RBFOX1: variants seen among roughly 807,000 people sequenced by gnomAD.
RBFOX1 encodes RNA binding protein fox-1 homolog 1.
Under a neutral mutation model 57.7 loss-of-function variants are expected in RBFOX1, and 8 were observed. The ratio of observed to expected loss-of-function variants is 0.14; its 90% CI spans 0.08 to 0.25. The LOEUF (loss-of-function observed/expected upper bound fraction) is 0.25. Among genes scored for constraint, RBFOX1 ranks in the 10% least tolerant of loss-of-function variants. RBFOX1 has a pLI of 1.00. For synonymous variants in RBFOX1, 326 were observed against 222.4 expected (o/e 1.47, Z -4.15); for missense variants, 611 against 548.5 (o/e 1.11, Z -1.14).
intron 4 of RBFOX1, among the ~76,000 whole-genome samples, chr16:7,509,966 G>GT (rs5815406): frequency 0.61 from 86,139 of 141,578 alleles, 27,612 homozygotes; most frequent in Non-Finnish European, 0.75. Context: ...CGAGCAGTGG[G>GT]TTTTTTTTTT....
intron 2 of RBFOX1, among the ~76,000 whole-genome samples, chr16:5,545,260 G>A (rs2045144469): frequency 6.6e-6 from 1 of 151,594 alleles, no homozygotes; most frequent in Non-Finnish European, 1.5e-5. Flanking sequence ...TTACAGCTGT[G>A]AGCACGCCCT....
intron 2 of RBFOX1, among the ~76,000 whole-genome samples, chr16:6,376,288 T>C (rs1326470577): frequency 7.6e-6 from 1 of 131,602 alleles, no homozygotes; most frequent in Non-Finnish European, 1.7e-5. Context: ...TTGGGTTTTG[T>C]TTGTTTGTTG....
chr16:6,622,455 C>T (rs1285453245), intron 2 of RBFOX1, among the ~76,000 whole-genome samples: 1 of 152,096 alleles, frequency 6.6e-6, no homozygotes, highest in African/African-American at 2.4e-5. Context: ...AGTCTAGGAG[C>T]AATAGGCTAG....
chr16:6,390,423 C>T (rs2092540905), intron 2 of RBFOX1, among the ~76,000 whole-genome samples: 2 of 151,968 alleles, frequency 1.3e-5, no homozygotes, highest in African/African-American at 4.8e-5. Flanking sequence ...ATGCAGGTAT[C>T]AATTTTTTAA....
intron 2 of RBFOX1, among the ~76,000 whole-genome samples, chr16:6,649,329 T>C (rs891491233): frequency 2.0e-5 from 3 of 152,218 alleles, no homozygotes; most frequent in African/African-American, 7.2e-5. Flanking sequence ...ACATTTGCTT[T>C]ATGTGGTTCT....
At chr16:7,224,654 T>TA (rs2092976822) in intron 4 of RBFOX1, among the ~76,000 whole-genome samples, 1 of 152,130 alleles carries the variant, frequency 6.6e-6, no homozygotes, top group African/African-American at 2.4e-5. Context: ...TCTTTTTGGT[T>TA]AAAATAAAGT....
chr16:7,707,833 C>G (rs1016820071), intron 14 of RBFOX1, among the ~76,000 whole-genome samples: 1 of 152,144 alleles, frequency 6.6e-6, no homozygotes, highest in African/African-American at 2.4e-5. Flanking sequence ...TCCCCTTGCT[C>G]TGACCTACTT....
Position 7,052,044 on chromosome 16 carries a change from C to T in RBFOX1, c.-15-13C>T, listed in dbSNP as rs770408474. On this transcript the variant is annotated splice_polypyrimidine_tract_variant and intron_variant, in intron 3 of 15. Coordinates refer to ENST00000550418, the MANE Select transcript of RBFOX1 (RefSeq NM_018723.4). ...CCTTCTGACTTTTCCCCTTCATTTT[C>T]TTTTCTTTCTAGGTTTCAAGACAAC... is the stretch of plus-strand genomic sequence containing the variant. The T allele has an allele frequency of 1.9e-6, 3 of 1,610,890 alleles. No homozygotes were observed. Among genetic ancestry groups the T allele is most frequent in the Non-Finnish European group, 2.5e-6 (3 of 1,178,708 alleles).
At chr16:5,756,311 A>T (rs2053395537) in intron 3 of RBFOX1, among the ~76,000 whole-genome samples, 1 of 149,268 alleles carries the variant, frequency 6.7e-6, no homozygotes, top group Admixed American at 6.7e-5. Context: ...GTGTGGTGTG[A>T]TAATTAATAG....
At position 6,376,626 on chromosome 16, in the gene RBFOX1, G is replaced by A. The variant is rs147195939; in HGVS notation, c.-64+59569G>A. Among the ~76,000 whole-genome samples the A allele has an allele frequency of 5.3e-5, 8 of 152,152 alleles. No homozygotes were observed. In the East Asian group the frequency reaches 5.8e-4, roughly 11 times the overall value. On this transcript the variant is annotated intron_variant, in intron 2 of 15. Coordinates refer to ENST00000550418, the MANE Select transcript of RBFOX1 (RefSeq NM_018723.4). ...TATCTCTGTGTCCAGATTTTCTTCC[G>A]TTTGTGAAACCAGCAGTCCTTGGTT...
At chr16:6,513,050 A>T (rs1170731914) in intron 2 of RBFOX1, among the ~76,000 whole-genome samples, 1 of 152,184 alleles carries the variant, frequency 6.6e-6, no homozygotes, top group Non-Finnish European at 1.5e-5. Flanking sequence ...ATAGCACATC[A>T]ATCAATATGG....
At chr16:7,046,975 C>A (rs904530120) in intron 3 of RBFOX1, among the ~76,000 whole-genome samples, 1 of 151,292 alleles carries the variant, frequency 6.6e-6, no homozygotes, top group African/African-American at 2.4e-5. Context: ...CCCTCCCCCC[C>A]AGTTTTTTGC....
intron 3 of RBFOX1, among the ~76,000 whole-genome samples, chr16:5,756,248 A>G (rs981158990): frequency 7.3e-6 from 1 of 137,494 alleles, no homozygotes; most frequent in East Asian, 2.0e-4. Context: ...AAAAAAAAAA[A>G]CCCTGCACCA....
chr16:7,099,974 C>T (rs967869014), intron 4 of RBFOX1, among the ~76,000 whole-genome samples: 1 of 151,914 alleles, frequency 6.6e-6, no homozygotes, highest in East Asian at 1.9e-4. Context: ...ATGTTCACCC[C>T]TCAGTTCTCA....
intron 11 of RBFOX1, 111 bp from the exon 12 acceptor site, chr16:7,653,704 G>T (rs746106749): frequency 2.2e-5 from 33 of 1,482,050 alleles, no homozygotes; most frequent in Admixed American, 8.1e-5. Flanking sequence ...GCGGGCGGGG[G>T]TCCTGCTGGG....
At chr16:6,893,777 A>G (rs532602510) in intron 3 of RBFOX1, among the ~76,000 whole-genome samples, 1 of 152,204 alleles carries the variant, frequency 6.6e-6, no homozygotes, top group African/African-American at 2.4e-5. Context: ...TCATCTGGTG[A>G]GAAGTATTCT....
chr16:7,626,451 G>C (rs1049563698), intron 10 of RBFOX1, among the ~76,000 whole-genome samples: 1 of 152,176 alleles, frequency 6.6e-6, no homozygotes, highest in South Asian at 2.1e-4. Context: ...GCCAGGTTGT[G>C]GGGATGCCGA....
At chr16:5,697,565 G>T (rs1344069470) in intron 3 of RBFOX1, among the ~76,000 whole-genome samples, 2 of 128,568 alleles carry the variant, frequency 1.6e-5, no homozygotes, top group Admixed American at 9.8e-5. Flanking sequence ...ATAGAGTCTC[G>T]CTCTGTCACC....
intron 3 of RBFOX1, among the ~76,000 whole-genome samples, chr16:6,876,364 T>A (rs73540697): frequency 1.1e-4 from 16 of 151,848 alleles, no homozygotes; most frequent in Non-Finnish European, 2.1e-4. Context: ...AAAAATAATA[T>A]TAATACCATC....
Sources: gnomAD v4.1 joint callset for allele counts (sites outside exome capture counted in the v4.1 genomes callset) on GRCh38, gnomAD v4.1.1 for gene constraint, MANE v1.5 for transcripts, NCBI Gene and HGNC (gene_info 2026-07-23, HGNC 2026-07-21) for gene names.